The following HOPX variants were observed in gnomAD, a reference collection of about 807,000 sequenced individuals.
HOPX encodes the protein homeodomain-only protein.
In HOPX, 5 loss-of-function variants were observed where a neutral mutation model predicts 11.8. The observed-to-expected ratio is 0.43, with a 90% CI of 0.22 to 0.89. The LOEUF is 0.89. Ranked by LOEUF, HOPX falls within the 40% of genes least tolerant of loss-of-function variation. HOPX has a pLI of 0.28. For missense variants in HOPX, 119 were observed against 120.0 expected, an observed-to-expected ratio of 0.99 and a Z score of 0.04; for synonymous variants, 49 against 49.7, an observed-to-expected ratio of 0.99 and a Z score of 0.06.
intron 1 of HOPX, among the ~76,000 whole-genome samples, chr4:56,660,994 C>T (rs1245903719): frequency 6.6e-6 from 1 of 152,084 alleles, no homozygotes; most frequent in East Asian, 1.9e-4. Context: ...CGCTGTCACC[C>T]TCAGGTTGGA....
chr4:56,681,621 G>T (rs2109568470), upstream of HOPX: 2 of 1,000,054 alleles, frequency 2.0e-6, no homozygotes, highest in Non-Finnish European at 2.4e-6. Context: ...GAAGAGAAAA[G>T]GGACCCTGAG....
At chr4:56,648,888 G>A in intron 3 of HOPX, 91 bp from the exon 4 acceptor site, 1 of 944,598 alleles carries the variant, frequency 1.1e-6, no homozygotes, top group Non-Finnish European at 1.7e-6. Flanking sequence ...TGTGGCACAA[G>A]TGGAAAGGAG....
At chr4:56,667,603 C>T (rs767006049) in intron 1 of HOPX, among the ~76,000 whole-genome samples, 3 of 152,168 alleles carry the variant, frequency 2.0e-5, no homozygotes, top group Non-Finnish European at 4.4e-5. Flanking sequence ...ATTCAAGTTG[C>T]AATAAAAATG....
At chr4:56,666,357 T>A (rs1005100109) in intron 1 of HOPX, among the ~76,000 whole-genome samples, 1 of 152,248 alleles carries the variant, frequency 6.6e-6, no homozygotes, top group African/African-American at 2.4e-5. Flanking sequence ...TACAGAGTTT[T>A]GTAGAATTAA....
intron 1 of HOPX, among the ~76,000 whole-genome samples, chr4:56,676,057 G>A (rs771090426): frequency 2.9e-4 from 44 of 151,810 alleles, no homozygotes; most frequent in Admixed American, 1.3e-3. Context: ...AGCATTTTGG[G>A]AGGCCAAGGT....
chr4:56,662,285 T>C (rs1275168258), intron 1 of HOPX, among the ~76,000 whole-genome samples: 1 of 152,194 alleles, frequency 6.6e-6, no homozygotes, highest in Non-Finnish European at 1.5e-5. Flanking sequence ...CTTTCACAAT[T>C]CTCTCTTAGA....
At chr4:56,665,955 T>C (rs1718410568) in intron 1 of HOPX, among the ~76,000 whole-genome samples, 2 of 152,082 alleles carry the variant, frequency 1.3e-5, no homozygotes, top group South Asian at 2.1e-4. Flanking sequence ...GATGGGAAGT[T>C]GTGGTGAAAG....
intron 1 of HOPX, among the ~76,000 whole-genome samples, chr4:56,669,660 AAATAATAATAATAATAATAAT>A (rs148353976): frequency 1.4e-4 from 21 of 146,478 alleles, no homozygotes; most frequent in East Asian, 8.0e-4. Flanking sequence ...CTCTGTCTCA[AAATAATAATAATAATAATAAT>A]AATAATAATA....
intron 1 of HOPX, among the ~76,000 whole-genome samples, chr4:56,668,177 G>C (rs970522763): frequency 1.3e-5 from 2 of 152,148 alleles, no homozygotes; most frequent in African/African-American, 4.8e-5. Flanking sequence ...CAACCGCCTT[G>C]GCCTCCCAAA....
At chr4:56,671,518 C>A (rs73240574) in intron 1 of HOPX, among the ~76,000 whole-genome samples, 28,421 of 151,900 alleles carry the variant, frequency 0.19, 3,361 homozygotes, top group Middle Eastern at 0.34. Flanking sequence ...ACAGCTGGTA[C>A]CTTGCAGAGC....
At chr4:56,665,965 G>C (rs4074737) in intron 1 of HOPX, among the ~76,000 whole-genome samples, 2 of 152,140 alleles carry the variant, frequency 1.3e-5, no homozygotes, top group East Asian at 3.9e-4. Context: ...TGTGGTGAAA[G>C]GGGCAGTAGA....
chr4:56,655,679 G>A (rs1348811917), intron 3 of HOPX, among the ~76,000 whole-genome samples, 178 bp downstream of exon 3: 1 of 152,208 alleles, frequency 6.6e-6, no homozygotes, highest in Non-Finnish European at 1.5e-5. Flanking sequence ...GAGCGGGGAA[G>A]CGGGGAGGCG....
chr4:56,648,811 A>G lies in HOPX; in HGVS notation c.199-14T>C. Reference sequence around the variant, plus strand: ...CTTAAACCATTTCTGGAAGAGAGAAATGAGAAAAAATATTTGTCACATACA... The same window carrying G: ...CTTAAACCATTTCTGGAAGAGAGAAGTGAGAAAAAATATTTGTCACATACA... On this transcript the variant is annotated splice_polypyrimidine_tract_variant and intron_variant, in intron 3 of 3. Transcript: ENST00000420433. 6.2e-7 allele frequency: 1 copy of G among 1,601,412 alleles called. No individual in the cohort carries two copies. Among genetic ancestry groups the G allele is most frequent in the Non-Finnish European group, 8.5e-7 (1 of 1,169,962 alleles).
intron 3 of HOPX, among the ~76,000 whole-genome samples, chr4:56,651,867 AGAGAGAGTGTGTGTGT>A (rs1717205990): frequency 3.1e-5 from 4 of 128,436 alleles, no homozygotes; most frequent in African/African-American, 1.3e-4. Context: ...AAAGAGAGAG[AGAGAGAGTGTGTGTGT>A]GTGTGTGTGT....
chr4:56,664,067 TG>T (rs1243088994), intron 1 of HOPX: 3 of 152,192 alleles, frequency 2.0e-5, no homozygotes, highest in Admixed American at 6.5e-5. Flanking sequence ...CACAGCTTTA[TG>T]GTAAAGTTCT....
rs972812127 is a variant in HOPX at position 56,656,271 on chromosome 4, G to T, written c.43-259C>A. ...GCGTCCTGCGCCTCCCGCGCCCCCCGGGACCCCTTGCAGGAACTGTATCCC... is the reference window on the plus strand; with the variant it reads ...GCGTCCTGCGCCTCCCGCGCCCCCCTGGACCCCTTGCAGGAACTGTATCCC... On this transcript the variant is annotated intron_variant, in intron 2 of 3. Transcript: ENST00000420433. The T allele has an allele frequency of 1.2e-5, 14 of 1,164,990 alleles. No homozygotes were observed. In the African/African-American group the frequency reaches 2.1e-4, roughly 18 times the overall value. 72.2% of individuals were successfully genotyped at this position (1,164,990 alleles called of 1,614,324 possible).
Position 56,656,245 on chromosome 4 carries a change from A to AGCGTCCTGC in HOPX, c.43-242_43-234dup. On this transcript the variant is annotated intron_variant, in intron 2 of 3. Coordinates refer to ENST00000420433, the MANE Select transcript of HOPX (RefSeq NM_032495.6). The stretch of plus-strand genomic sequence containing the variant: ...CTGTTGCGGGCTGACGGCAGAGCCT[A>AGCGTCCTGC]GCGTCCTGCGCCTCCCGCGCCCCCC... 2.6e-6 allele frequency: 3 copies of AGCGTCCTGC among 1,159,336 alleles called. No individual in the cohort carries two copies. The African/African-American group carries it at 4.9e-5, about 19-fold the overall frequency. 71.8% of individuals were successfully genotyped at this position (1,159,336 alleles called of 1,614,324 possible). A position where few individuals can be genotyped will look rare whatever the true frequency, so the allele number is the denominator to read the frequency against.
At chr4:56,655,532 A>G (rs1717607803) in intron 3 of HOPX, among the ~76,000 whole-genome samples, 1 of 152,178 alleles carries the variant, frequency 6.6e-6, no homozygotes, top group Non-Finnish European at 1.5e-5. Flanking sequence ...GCTGCTCCCA[A>G]CTCGCAGAGG....
Position 56,657,830 on chromosome 4 carries a change from T to C in HOPX, c.-14A>G. ...GAAAATGAGCATAGGAAGACTAACT[T>C]TCTGAATGTTGCCCAGCTGGTGACC... On this transcript the variant is annotated 5_prime_UTR_variant, in exon 2 of 4. Transcript: ENST00000420433. 1 of 1,531,818 alleles carries C rather than the reference T, an allele frequency of 6.5e-7. No individual in the cohort carries two copies. The highest frequency in any genetic ancestry group is 2.5e-5 in the East Asian group (1 of 40,816). 94.9% of individuals were successfully genotyped at this position (1,531,818 alleles called of 1,614,324 possible).
Sources: allele counts gnomAD v4.1 joint callset (sites outside exome capture counted in the v4.1 genomes callset), GRCh38; gene constraint gnomAD v4.1.1; transcripts MANE v1.5; gene names NCBI Gene and HGNC (gene_info 2026-07-23, HGNC 2026-07-21).